LZTFL1: variants seen among roughly 807,000 people sequenced by gnomAD.
LZTFL1 encodes leucine zipper transcription factor-like protein 1.
In LZTFL1, 25 loss-of-function variants were observed where a neutral mutation model predicts 45.9. The observed-to-expected ratio is 0.54, with a 90% CI of 0.40 to 0.76. LZTFL1 has a LOEUF of 0.76. LZTFL1 is among the 30% of genes least tolerant of loss of function. The pLI is 0.00. For missense variants in LZTFL1, 277 were observed against 331.1 expected, an observed-to-expected ratio of 0.84 and a Z score of 1.27; for synonymous variants, 93 against 117.4, an observed-to-expected ratio of 0.79 and a Z score of 1.35.
chr3:45,831,416 T>C (rs1385890027), intron 5 of LZTFL1, among the ~76,000 whole-genome samples: 2 of 152,130 alleles, frequency 1.3e-5, no homozygotes, highest in Non-Finnish European at 2.9e-5. Context: ...CAAATTTTTT[T>C]CCAAAGACCC....
chr3:45,904,733 T>C (rs1702644997), intron 2 of LZTFL1, among the ~76,000 whole-genome samples: 1 of 152,246 alleles, frequency 6.6e-6, no homozygotes, highest in African/African-American at 2.4e-5. Flanking sequence ...AGTTGACACC[T>C]TTGGAGACCA....
At chr3:45,913,242 C>T (rs1702835330) in intron 1 of LZTFL1, 1 of 1,094,892 alleles carries the variant, frequency 9.1e-7, no homozygotes, top group Non-Finnish European at 1.3e-6. Context: ...CAAACCAGTG[C>T]TGCAATGAGC....
In LZTFL1 at chr3:45,841,977, T is replaced by A; in HGVS notation, c.3+12A>T. On this transcript the variant is annotated intron_variant, in intron 1 of 9. Transcript: ENST00000296135. ...CTGTGCGCGGTGCGGCGCCTGAGGG[T>A]CGGTTACTCACCATGGCGGCAGGCA... 6.2e-7 allele frequency: 1 copy of A among 1,611,416 alleles called. No homozygotes were observed.
At chr3:45,910,000 AG>A (rs1702761041) in intron 2 of LZTFL1, among the ~76,000 whole-genome samples, 1 of 152,164 alleles carries the variant, frequency 6.6e-6, no homozygotes, top group South Asian at 2.1e-4. Flanking sequence ...TGGTGATTGG[AG>A]GGTTATGAGT....
chr3:45,879,585 A>G (rs1701815229), intron 2 of LZTFL1, among the ~76,000 whole-genome samples: 1 of 152,242 alleles, frequency 6.6e-6, no homozygotes, highest in South Asian at 2.1e-4. Context: ...AATGGTGGAT[A>G]CATGTCATAC....
chr3:45,824,759 C>T lies in LZTFL1; in HGVS notation c.*1555G>A. The T allele has an allele frequency of 2.5e-6, 1 of 397,984 alleles. No homozygotes were observed. 24.7% of individuals were successfully genotyped at this position (397,984 alleles called of 1,614,324 possible). A position where few individuals can be genotyped will look rare whatever the true frequency, so the allele number is the denominator to read the frequency against. On this transcript the variant is annotated 3_prime_UTR_variant, in exon 10 of 10. Coordinates refer to ENST00000296135, the MANE Select transcript of LZTFL1 (RefSeq NM_020347.4). Reference sequence around the variant, plus strand: ...TACATAGAACATCTTGGTCCACAGACAATGGAATGGATTTTTGGAGAGAGT... The same window carrying T: ...TACATAGAACATCTTGGTCCACAGATAATGGAATGGATTTTTGGAGAGAGT...
At chr3:45,909,186 A>C (rs770778111) in intron 2 of LZTFL1, among the ~76,000 whole-genome samples, 1 of 152,244 alleles carries the variant, frequency 6.6e-6, no homozygotes, top group East Asian at 1.9e-4. Context: ...GGCGAGTTGT[A>C]TAATTATCTC....
chr3:45,845,846 C>T (rs1701210081), upstream of LZTFL1, among the ~76,000 whole-genome samples: 1 of 152,106 alleles, frequency 6.6e-6, no homozygotes, highest in Admixed American at 6.6e-5. Context: ...TCATGAATAG[C>T]TGTGTTCATG....
rs117542532 is a variant in LZTFL1, at chr3:45,885,121, C to A, written c.-214-26105G>T. Among the ~76,000 whole-genome samples, 122 of 152,324 alleles carry A rather than the reference C, an allele frequency of 8.0e-4. 1 individual carries two copies. The East Asian group carries it at 0.021, about 27-fold the overall frequency. On this transcript the variant is annotated intron_variant, in intron 2 of 4. Coordinates refer to the LZTFL1 transcript ENST00000472635. ...ATAAACCCAAGTGCACCTTCTGCAT[C>A]CCTTTGCTCTACGGGAACTGAGGGT...
At chr3:45,878,018 T>A (rs1701782141) in intron 2 of LZTFL1, among the ~76,000 whole-genome samples, 1 of 152,190 alleles carries the variant, frequency 6.6e-6, no homozygotes, top group African/African-American at 2.4e-5. Context: ...AGTGTTGGGA[T>A]TACAGGCATG....
At chr3:45,857,090 A>C (rs1406877222) in intron 3 of LZTFL1, among the ~76,000 whole-genome samples, 1 of 152,252 alleles carries the variant, frequency 6.6e-6, no homozygotes, top group Admixed American at 6.5e-5. Context: ...TTGTAGCACT[A>C]TTCACAATAG....
intron 2 of LZTFL1, chr3:45,894,803 G>C: frequency 1.2e-6 from 1 of 811,086 alleles, no homozygotes; most frequent in South Asian, 1.4e-5. Flanking sequence ...ATTTTTTTCA[G>C]AAGAATAAGC....
intron 2 of LZTFL1, among the ~76,000 whole-genome samples, chr3:45,884,592 C>T (rs1701931376): frequency 6.6e-6 from 1 of 152,182 alleles, no homozygotes; most frequent in Admixed American, 6.5e-5. Context: ...CGGCCAGCCT[C>T]ACCTTCCTTC....
upstream of LZTFL1, chr3:45,842,247 G>C: frequency 8.1e-7 from 1 of 1,241,036 alleles, no homozygotes; most frequent in Non-Finnish European, 1.1e-6. Context: ...AGGGCCGGAA[G>C]TCCCACCTTT....
At chr3:45,893,066 G>A (rs181272346) in intron 2 of LZTFL1, among the ~76,000 whole-genome samples, 1 of 152,134 alleles carries the variant, frequency 6.6e-6, no homozygotes, top group Admixed American at 6.5e-5. Context: ...ACACAACCCA[G>A]ACAGTGAACA....
chr3:45,866,680 A>C (rs1182985884), intron 2 of LZTFL1, among the ~76,000 whole-genome samples: 1 of 152,230 alleles, frequency 6.6e-6, no homozygotes, highest in Admixed American at 6.5e-5. Flanking sequence ...GATCTACAGT[A>C]ATTGATTTTA....
intron 1 of LZTFL1, among the ~76,000 whole-genome samples, chr3:45,841,538 G>C (rs911080076): frequency 2.0e-5 from 3 of 151,990 alleles, no homozygotes; most frequent in African/African-American, 7.3e-5. Context: ...GCGCGCGCGC[G>C]TGTGTCTGTG....
intron 2 of LZTFL1, among the ~76,000 whole-genome samples, chr3:45,890,279 T>TATTTATATAAATATATATATATAAC (rs1559421394): frequency 2.1e-4 from 16 of 75,782 alleles, no homozygotes; most frequent in South Asian, 3.5e-4. Context: ...AACATATATA[T>TATTTATATAAATATATATATATAAC]ATATTTATAT....
chr3:45,856,412 A>G (rs571839039), intron 3 of LZTFL1, among the ~76,000 whole-genome samples: 1 of 152,126 alleles, frequency 6.6e-6, no homozygotes, highest in Non-Finnish European at 1.5e-5. Flanking sequence ...TTAAATGTAA[A>G]ACCCAAAACT....
Sources: gnomAD v4.1 joint callset for allele counts (sites outside exome capture counted in the v4.1 genomes callset) on GRCh38, gnomAD v4.1.1 for gene constraint, MANE v1.5 for transcripts, NCBI Gene and HGNC (gene_info 2026-07-23, HGNC 2026-07-21) for gene names.